Variants in RNF149 observed in about 807,000 individuals in gnomAD.
RNF149 encodes ring finger protein 149.
A neutral mutation model predicts 39.0 loss-of-function variants in RNF149; 21 were observed. The ratio of observed to expected loss-of-function variants is 0.54; its 90% CI spans 0.38 to 0.77. The LOEUF (loss-of-function observed/expected upper bound fraction) is 0.77. Ranked by LOEUF, RNF149 falls within the 30% of genes least tolerant of loss-of-function variation. The pLI is 0.00. For missense variants in RNF149, 493 were observed against 534.9 expected (o/e 0.92, Z 0.77); for synonymous variants, 209 against 213.6 (o/e 0.98, Z 0.19).
intron 1 of RNF149, among the ~76,000 whole-genome samples, chr2:101,301,116 A>G (rs1286021229): frequency 6.6e-6 from 1 of 152,148 alleles, no homozygotes; most frequent in Non-Finnish European, 1.5e-5. Flanking sequence ...TTCCTTCCTT[A>G]GGCCTTAACG....
At chr2:101,305,720 G>T (rs1438126803) in intron 1 of RNF149, among the ~76,000 whole-genome samples, 1 of 152,130 alleles carries the variant, frequency 6.6e-6, no homozygotes, top group Admixed American at 6.6e-5. Context: ...AACAGGGAGG[G>T]AGAGGGAGAG....
At chr2:101,281,815 C>T (rs1682599549) in intron 6 of RNF149, 44 bp downstream of exon 6, 1 of 1,608,940 alleles carries the variant, frequency 6.2e-7, no homozygotes, top group East Asian at 2.2e-5. Context: ...TGAGCCACCA[C>T]TCCTGGCCAC....
chr2:101,305,230 T>C (rs966294125), intron 1 of RNF149, among the ~76,000 whole-genome samples: 1 of 152,178 alleles, frequency 6.6e-6, no homozygotes, highest in African/African-American at 2.4e-5. Context: ...ATCAGTGGTC[T>C]TTCCTGGCTC....
intron 2 of RNF149, 56 bp downstream of exon 2, chr2:101,294,875 C>A: frequency 7.5e-7 from 1 of 1,340,100 alleles, no homozygotes; most frequent in Non-Finnish European, 1.1e-6. Flanking sequence ...AATATATATG[C>A]GGCATATTTA....
At chr2:101,293,764 C>T (rs1219589299) in intron 3 of RNF149, among the ~76,000 whole-genome samples, 2 of 152,186 alleles carry the variant, frequency 1.3e-5, no homozygotes, top group East Asian at 3.8e-4. Context: ...TAAGAGCTGT[C>T]CAGGAGGGCA....
intron 5 of RNF149, among the ~76,000 whole-genome samples, chr2:101,285,749 C>G (rs1161807900): frequency 6.6e-6 from 1 of 152,160 alleles, no homozygotes; most frequent in Non-Finnish European, 1.5e-5. Context: ...CTATGAGGCT[C>G]CTTCCTTTTC....
chr2:101,292,883 T>C (rs1273782953), intron 3 of RNF149, among the ~76,000 whole-genome samples: 2 of 152,152 alleles, frequency 1.3e-5, no homozygotes, highest in Non-Finnish European at 2.9e-5. Context: ...GTGCAGAGTT[T>C]GTCACAGGGA....
intron 4 of RNF149, 85 bp downstream of exon 4, chr2:101,288,888 A>G: frequency 1.5e-6 from 1 of 685,598 alleles, no homozygotes; most frequent in Non-Finnish European, 2.5e-6. Context: ...GATCTTCATT[A>G]TCATAAAAAA....
chr2:101,290,254 T>G (rs1682956687), intron 3 of RNF149, among the ~76,000 whole-genome samples: 1 of 152,376 alleles, frequency 6.6e-6, no homozygotes, highest in Non-Finnish European at 1.5e-5. Flanking sequence ...TACTATCATT[T>G]ATCATACACA....
chr2:101,307,525 G>A (rs897511741), intron 1 of RNF149, among the ~76,000 whole-genome samples: 9 of 152,078 alleles, frequency 5.9e-5, no homozygotes, highest in Non-Finnish European at 1.3e-4. Context: ...AATTTTGATC[G>A]TAACTCAAGA....
At chr2:101,289,243 G>C (rs898074080) in intron 3 of RNF149, among the ~76,000 whole-genome samples, 188 bp from the exon 4 acceptor site, 4 of 152,002 alleles carry the variant, frequency 2.6e-5, no homozygotes, top group Non-Finnish European at 5.9e-5. Flanking sequence ...CGGTTGAAAA[G>C]GAAAAAATTT....
downstream of RNF149, chr2:101,272,837 A>G: frequency 1.3e-6 from 1 of 749,608 alleles, no homozygotes; most frequent in Non-Finnish European, 2.0e-6. Flanking sequence ...TATGGGGACA[A>G]TCACCTATTC....
intron 3 of RNF149, 37 bp downstream of exon 3, chr2:101,293,977 A>G (rs751866999): frequency 1.6e-6 from 2 of 1,272,310 alleles, no homozygotes; most frequent in Non-Finnish European, 2.3e-6. Context: ...TCTCTACTCT[A>G]AACCACAAAA....
intron 6 of RNF149, among the ~76,000 whole-genome samples, chr2:101,280,863 C>T (rs12621632): frequency 0.38 from 58,392 of 151,984 alleles, 11,873 homozygotes; most frequent in East Asian, 0.52. Context: ...GAGACTTCAT[C>T]ACTTCAAAAA....
chr2:101,298,747 G>A (rs1683337921), intron 1 of RNF149, among the ~76,000 whole-genome samples: 1 of 152,224 alleles, frequency 6.6e-6, no homozygotes, highest in African/African-American at 2.4e-5. Flanking sequence ...TTACCCCAGA[G>A]ACTGGAGACC....
At chr2:101,283,867 CA>C (rs1489260748) in intron 5 of RNF149, among the ~76,000 whole-genome samples, 1 of 152,080 alleles carries the variant, frequency 6.6e-6, no homozygotes, top group Non-Finnish European at 1.5e-5. Context: ...TTCATACAAA[CA>C]TCCAGAAATG....
chr2:101,289,109 T>C (rs941467849), intron 3 of RNF149, 54 bp from the exon 4 acceptor site: 1 of 999,364 alleles, frequency 1.0e-6, no homozygotes, highest in African/African-American at 1.6e-5. Context: ...GTATATCCCT[T>C]GGTAAACTCA....
chr2:101,293,867 T>C (rs1683110933), intron 3 of RNF149, 147 bp downstream of exon 3: 3 of 538,112 alleles, frequency 5.6e-6, no homozygotes, highest in Admixed American at 3.5e-5. Context: ...AATTGCTATA[T>C]GCGACTAGTG....
chr2:101,300,499 A>G (rs942831754), intron 1 of RNF149, among the ~76,000 whole-genome samples: 1 of 152,176 alleles, frequency 6.6e-6, no homozygotes, highest in African/African-American at 2.4e-5. Context: ...GAGTTAAAAG[A>G]AATTATTATT....
Sources: gnomAD v4.1 joint callset for allele counts (sites outside exome capture counted in the v4.1 genomes callset) on GRCh38, gnomAD v4.1.1 for gene constraint, MANE v1.5 for transcripts, NCBI Gene and HGNC (gene_info 2026-07-23, HGNC 2026-07-21) for gene names.